Variants in CRYBA4 observed in about 807,000 individuals in gnomAD.
CRYBA4 encodes beta-crystallin A4.
A neutral mutation model predicts 31.7 loss-of-function variants in CRYBA4; 30 were observed. That is an observed-to-expected ratio of 0.95 (90% confidence interval 0.71 to 1.28). The LOEUF is 1.28. Among genes scored for constraint, CRYBA4 ranks in the 50% most tolerant of loss-of-function variants. CRYBA4 has a pLI of 0.00. For missense variants in CRYBA4, 225 were observed against 260.7 expected (o/e 0.86, Z 0.94); for synonymous variants, 102 against 102.3 (o/e 1.00, Z 0.02).
chr22:26,614,086 C>G, the CRYBA4 span, among the ~76,000 whole-genome samples: 1 of 152,270 alleles, frequency 6.6e-6, no homozygotes, highest in African/African-American at 2.4e-5. Context: ...AACCCTGTCT[C>G]CTGATAAGAT....
chr22:26,629,917 C>T (rs1929870124), intron 5 of CRYBA4, among the ~76,000 whole-genome samples: 1 of 132,762 alleles, frequency 7.5e-6, no homozygotes, highest in Admixed American at 8.0e-5. Context: ...TATATTTATG[C>T]AGGTGGTGAT....
Position 26,623,443 on chromosome 22 carries a change from CT to C in CRYBA4, c.158+92del, listed in dbSNP as rs371155619. 1.7e-5 allele frequency: 17 copies of C among 992,334 alleles called. No individual in the cohort carries two copies. In the East Asian group the frequency reaches 4.1e-4, roughly 24 times the overall value. The allele number at this position is 992,334 out of a possible 1,614,324, so 61.5% of individuals were successfully genotyped here. On this transcript the variant is annotated intron_variant, in intron 3 of 5. Coordinates refer to ENST00000354760, the MANE Select transcript of CRYBA4 (RefSeq NM_001886.3). ...AGGACTTTTAGATATTCTAGGTCCCCTCTCCCTAGGCTCTTACTGTTGTGCC... is the reference window on the plus strand; with the variant it reads ...AGGACTTTTAGATATTCTAGGTCCCCCTCCCTAGGCTCTTACTGTTGTGCC...
the CRYBA4 span, among the ~76,000 whole-genome samples, chr22:26,599,914 TG>T: frequency 6.6e-6 from 1 of 152,144 alleles, no homozygotes; most frequent in East Asian, 1.9e-4. Context: ...TTAAGAGTGC[TG>T]GGGGGGACCA....
the CRYBA4 span, among the ~76,000 whole-genome samples, chr22:26,611,459 T>C: frequency 7.4e-5 from 10 of 134,684 alleles, no homozygotes; most frequent in Non-Finnish European, 1.3e-4. Context: ...AGTTTGTTTT[T>C]TTTTTTTTTG....
rs749066010 is a variant in CRYBA4 at position 26,625,606 on chromosome 22, G to A, written c.284G>A (p.Arg95Gln). The A allele has an allele frequency of 5.0e-6, 8 of 1,613,698 alleles. No homozygotes were observed. The highest frequency in any genetic ancestry group is 2.2e-5 in the East Asian group (1 of 44,884). ...AYPAERLTSF[R>Q]PAACANHRDS... is the part of the protein sequence containing the mutation. ...CCCGCCGAGAGGCTCACCTCCTTCC[G>A]GCCTGCGGCCTGTGCTGTAAGTTCT... Residue 95 changes from arginine (R) to glutamine (Q), a missense_variant, in exon 4 of 6, where the codon CGG becomes CAG. By Grantham distance (43) the Arg-to-Gln change is conservative (BLOSUM62 1). Transcript: ENST00000354760.
chr22:26,612,052 C>T, the CRYBA4 span: 1 of 1,566,240 alleles, frequency 6.4e-7, no homozygotes. Flanking sequence ...GAGTGTGCCC[C>T]TCCGCCGCCC....
rs992194502 is a variant in CRYBA4, at chr22:26,630,576, C to G, written c.*89C>G. 2.4e-5 allele frequency: 28 copies of G among 1,160,972 alleles called. No homozygotes were observed. In the South Asian group the frequency reaches 3.5e-4, roughly 15 times the overall value. The allele number at this position is 1,160,972 out of a possible 1,614,324, so 71.9% of individuals were successfully genotyped here. A position where few individuals can be genotyped will look rare whatever the true frequency, so the allele number is the denominator to read the frequency against. ...TGGTGTGTTCTCTCCTTCTGCCTCC[C>G]CCTGTAACCTGTGTGAACCCAGCAC... On this transcript the variant is annotated 3_prime_UTR_variant, in exon 6 of 6. Coordinates refer to ENST00000354760, the MANE Select transcript of CRYBA4 (RefSeq NM_001886.3).
At chr22:26,629,010 C>T (rs901103670) in intron 5 of CRYBA4, among the ~76,000 whole-genome samples, 1 of 152,184 alleles carries the variant, frequency 6.6e-6, no homozygotes, top group Non-Finnish European at 1.5e-5. Context: ...AGGCCACAGG[C>T]TCTTTGGCTA....
chr22:26,628,802 C>T (rs1929829791), intron 5 of CRYBA4, among the ~76,000 whole-genome samples: 1 of 152,158 alleles, frequency 6.6e-6, no homozygotes, highest in Non-Finnish European at 1.5e-5. Flanking sequence ...TACATCCAGC[C>T]CTAGGGAAAG....
intron 3 of CRYBA4, among the ~76,000 whole-genome samples, chr22:26,624,087 G>A (rs2145979634): frequency 6.6e-6 from 1 of 152,338 alleles, no homozygotes; most frequent in South Asian, 2.1e-4. Flanking sequence ...GTTCTAGAAG[G>A]TTGGAAAGCA....
At chr22:26,626,827 T>G (rs1414944686) in intron 4 of CRYBA4, among the ~76,000 whole-genome samples, 1 of 152,196 alleles carries the variant, frequency 6.6e-6, no homozygotes, top group Non-Finnish European at 1.5e-5. Context: ...AATCAACATC[T>G]ACATCTATAT....
chr22:26,628,143 G>T, intron 4 of CRYBA4, 145 bp from the exon 5 acceptor site: 1 of 1,020,706 alleles, frequency 9.8e-7, no homozygotes, highest in African/African-American at 1.6e-5. Context: ...CAAGGTTTCT[G>T]GTACCTGTTG....
Position 26,628,409 on chromosome 22 carries a change from C to A in CRYBA4, c.422C>A (p.Ser141Tyr). 1 of 1,614,084 alleles carries A rather than the reference C, an allele frequency of 6.2e-7. No homozygotes were observed. The change falls in exon 5 of 6, where the codon TCC becomes TAC. Residue 141 changes from serine (S) to tyrosine (Y), a missense_variant. Ser to Tyr is a moderately radical substitution (Grantham distance 144). Coordinates refer to ENST00000354760, the MANE Select transcript of CRYBA4 (RefSeq NM_001886.3). ...AMGWEGNEVG[S>Y]FHVHSGAWVC... is the part of the protein sequence containing the mutation. ...GGATGGGAAGGCAATGAAGTAGGGT[C>A]CTTCCACGTCCACTCTGGGGCGTAA...
chr22:26,607,963 C>T, the CRYBA4 span: 16 of 1,614,078 alleles, frequency 9.9e-6, no homozygotes, highest in Admixed American at 5.0e-5. Context: ...CGAGGGTACT[C>T]GCCCTTCTCC....
chr22:26,625,215 G>C (rs1280981882), intron 3 of CRYBA4, among the ~76,000 whole-genome samples: 1 of 152,114 alleles, frequency 6.6e-6, no homozygotes, highest in Non-Finnish European at 1.5e-5. Context: ...CTGATGTTTC[G>C]GGCTGGATCA....
At chr22:26,605,638 A>T in the CRYBA4 span, among the ~76,000 whole-genome samples, 1 of 134,550 alleles carries the variant, frequency 7.4e-6, no homozygotes, top group Non-Finnish European at 1.5e-5. Context: ...GTGCCACTAC[A>T]CTCCAGCCTG....
chr22:26,625,633 C>T lies in CRYBA4; in HGVS notation c.300+11C>T, dbSNP rs760028967. 5 of 1,613,306 alleles carry T rather than the reference C, an allele frequency of 3.1e-6. No homozygotes were observed. Among genetic ancestry groups the T allele is most frequent in the Non-Finnish European group, 4.2e-6 (5 of 1,179,716 alleles). ...CCTGCGGCCTGTGCTGTAAGTTCTACCACTGCTGCATCCCGGGGAGGCCCA... is the reference window on the plus strand; with the variant it reads ...CCTGCGGCCTGTGCTGTAAGTTCTATCACTGCTGCATCCCGGGGAGGCCCA... On this transcript the variant is annotated intron_variant, in intron 4 of 5. Coordinates refer to ENST00000354760, the MANE Select transcript of CRYBA4 (RefSeq NM_001886.3).
At chr22:26,609,201 GATGGGCTATCACC>G in the CRYBA4 span, among the ~76,000 whole-genome samples, 1 of 152,322 alleles carries the variant, frequency 6.6e-6, no homozygotes, top group African/African-American at 2.4e-5. Flanking sequence ...AGACAAGGAT[GATGGGCTATCACC>G]ATGGGCTGAG....
upstream of CRYBA4, among the ~76,000 whole-genome samples, chr22:26,618,486 G>GAAA (rs200030068): frequency 0.032 from 4,930 of 152,298 alleles, 235 homozygotes; most frequent in African/African-American, 0.11. Flanking sequence ...AAAAGAAGGT[G>GAAA]ACAATGAGCA....
Sources: allele counts gnomAD v4.1 joint callset (sites outside exome capture counted in the v4.1 genomes callset), GRCh38; gene constraint gnomAD v4.1.1; transcripts MANE v1.5; gene names NCBI Gene and HGNC (gene_info 2026-07-23, HGNC 2026-07-21).